The following PMPCA variants were observed in gnomAD, a reference collection of about 807,000 sequenced individuals.
The protein encoded by PMPCA is mitochondrial-processing peptidase subunit alpha.
A neutral mutation model predicts 59.3 loss-of-function variants in PMPCA; 47 were observed. That is an observed-to-expected ratio of 0.79 (90% confidence interval 0.63 to 1.01). PMPCA has a LOEUF of 1.01. Among genes scored for constraint, PMPCA ranks in the 50% least tolerant of loss-of-function variants. The pLI is 0.00. For synonymous variants in PMPCA, 338 were observed against 290.3 expected (o/e 1.16, Z -1.67); for missense variants, 726 against 704.5 (o/e 1.03, Z -0.34).
chr9:136,419,541 C>T (rs991107894), intron 11 of PMPCA: 2 of 255,852 alleles, frequency 7.8e-6, no homozygotes, highest in African/African-American at 4.4e-5. Flanking sequence ...TCGAGCCTTT[C>T]CCTGGCTCCA....
chr9:136,416,977 C>A lies in PMPCA; in HGVS notation c.660C>A (p.Gly220=). The A allele has an allele frequency of 6.2e-7, 1 of 1,611,754 alleles. No individual in the cohort carries two copies. The highest frequency in any genetic ancestry group is 8.5e-7 in the Non-Finnish European group (1 of 1,179,704). ...HEAAYRENTV[G]LHRFCPTENV... ...CGGCTTACAGGGAGAACACAGTTGG[C>A]CTCCACCGTTTCTGCCCCACAGAAA... Residue 220 remains glycine (G), a synonymous_variant, in exon 7 of 13, where the codon GGC becomes GGA. Transcript: ENST00000371717.
Position 136,418,608 on chromosome 9 carries a change from C to T in PMPCA, c.1044C>T (p.Gly348=). 6.2e-7 allele frequency: 1 copy of T among 1,614,038 alleles called. No individual in the cohort carries two copies. Among genetic ancestry groups the T allele is most frequent in the Non-Finnish European group, 8.5e-7 (1 of 1,179,854 alleles). Reference sequence around the variant, plus strand: ...TGAACATGATGATGGGCGGAGGTGGCTCCTTCTCGGCTGGTGGGCCCGGCA... The same window carrying T: ...TGAACATGATGATGGGCGGAGGTGGTTCCTTCTCGGCTGGTGGGCCCGGCA... ...AVLNMMMGGG[G]SFSAGGPGKG... is the part of the protein sequence containing the mutation. The change falls in exon 9 of 13, where the codon GGC becomes GGT. Residue 348 remains glycine (G), a synonymous_variant. Coordinates refer to ENST00000371717, the MANE Select transcript of PMPCA (RefSeq NM_015160.3).
Position 136,423,433 on chromosome 9 carries a change from G to T in PMPCA, c.*169G>T. 7.5e-6 allele frequency: 5 copies of T among 668,230 alleles called. No individual in the cohort carries two copies. In the East Asian group the frequency reaches 8.3e-5, roughly 11 times the overall value. 41.4% of individuals were successfully genotyped at this position (668,230 alleles called of 1,614,324 possible). A position where few individuals can be genotyped will look rare whatever the true frequency, so the allele number is the denominator to read the frequency against. Reference sequence around the variant, plus strand: ...GCATTCTTTTGGAACTCAATGTGCCGATCAGTGGAGTCAGTATCGAGCCTG... The same window carrying T: ...GCATTCTTTTGGAACTCAATGTGCCTATCAGTGGAGTCAGTATCGAGCCTG... On this transcript the variant is annotated 3_prime_UTR_variant, in exon 13 of 13. Coordinates refer to ENST00000371717, the MANE Select transcript of PMPCA (RefSeq NM_015160.3).
At chr9:136,417,334 C>T (rs926384222) in intron 7 of PMPCA, 120 bp downstream of exon 7, 43 of 770,966 alleles carry the variant, frequency 5.6e-5, no homozygotes, top group African/African-American at 8.7e-5. Flanking sequence ...GTAGCTTTGC[C>T]TTAACACATG....
intron 1 of PMPCA, among the ~76,000 whole-genome samples, 175 bp from the exon 2 acceptor site, chr9:136,411,822 G>A (rs551851628): frequency 6.6e-6 from 1 of 152,356 alleles, no homozygotes; most frequent in South Asian, 2.1e-4. Context: ...AGGTCCCGTG[G>A]CTGAGCCTTT....
chr9:136,418,464 C>A, intron 8 of PMPCA, 91 bp from the exon 9 acceptor site: 1 of 853,630 alleles, frequency 1.2e-6, no homozygotes. Context: ...GCTTGGGCGA[C>A]TCAGCCAGCT....
At chr9:136,422,184 AC>A in intron 12 of PMPCA, 1 of 1,514,952 alleles carries the variant, frequency 6.6e-7, no homozygotes, top group East Asian at 2.6e-5. Context: ...CCCACCATGC[AC>A]CTGCTGCCTC....
At chr9:136,421,416 T>TTTTTTTTG (rs1835446767) in intron 11 of PMPCA, among the ~76,000 whole-genome samples, 4 of 148,142 alleles carry the variant, frequency 2.7e-5, no homozygotes, top group Admixed American at 1.3e-4. Context: ...TTTTTTTTTT[T>TTTTTTTTG]TTTTTTTTTT....
intron 2 of PMPCA, 75 bp downstream of exon 2, chr9:136,412,274 A>G (rs1374685448): frequency 9.2e-7 from 1 of 1,085,576 alleles, no homozygotes; most frequent in East Asian, 2.4e-5. Flanking sequence ...GTTAGTTGTA[A>G]TTAGCATGCC....
chr9:136,422,584 G>A (rs944842007), intron 12 of PMPCA: 62 of 1,013,302 alleles, frequency 6.1e-5, no homozygotes, highest in Middle Eastern at 5.0e-4. Flanking sequence ...CCTGTCCCGT[G>A]TGGGCCCTCG....
At position 136,423,124 on chromosome 9, in the gene PMPCA, G is replaced by A. The variant is rs770809394; in HGVS notation, c.1438G>A (p.Val480Ile). 2.5e-6 allele frequency: 4 copies of A among 1,613,328 alleles called. No homozygotes were observed. The East Asian group carries it at 8.9e-5, about 36-fold the overall frequency. Residue 480 changes from valine (V) to isoleucine (I), a missense_variant, in exon 13 of 13, where the codon GTC (valine) becomes ATC (isoleucine). Coordinates refer to ENST00000371717, the MANE Select transcript of PMPCA (RefSeq NM_015160.3). Reference protein sequence around the residue: ...RNVKPEDVKRVASKMLRGKPA... With the variant: ...RNVKPEDVKRIASKMLRGKPA... Reference sequence around the variant, plus strand: ...CGTGAAGCCGGAAGATGTGAAGAGAGTCGCTTCTAAGATGCTCCGAGGGAA... The same window carrying A: ...CGTGAAGCCGGAAGATGTGAAGAGAATCGCTTCTAAGATGCTCCGAGGGAA...
At chr9:136,412,240 A>G in intron 2 of PMPCA, 41 bp downstream of exon 2, 1 of 1,365,048 alleles carries the variant, frequency 7.3e-7, no homozygotes, top group Non-Finnish European at 1.0e-6. Context: ...CCGCAGTTTT[A>G]ACATGCACAT....
At position 136,412,901 on chromosome 9, in the gene PMPCA, G is replaced by C. The variant is rs750536367; in HGVS notation, c.437+9G>C. The C allele has an allele frequency of 3.3e-6, 5 of 1,531,180 alleles. No individual in the cohort carries two copies. The African/African-American group carries it at 6.8e-5, about 21-fold the overall frequency. 94.8% of individuals were successfully genotyped at this position (1,531,180 alleles called of 1,614,324 possible). On this transcript the variant is annotated intron_variant, in intron 4 of 12. Transcript: ENST00000371717. ...GACTGCCAGACATCAAGGTACACCAGCTTTTGTGTACAAACTGACTTTGGG... is the reference window on the plus strand; with the variant it reads ...GACTGCCAGACATCAAGGTACACCACCTTTTGTGTACAAACTGACTTTGGG...
chr9:136,411,635 T>C (rs1835120248), intron 1 of PMPCA, among the ~76,000 whole-genome samples: 5 of 152,224 alleles, frequency 3.3e-5, no homozygotes, highest in Non-Finnish European at 7.3e-5. Flanking sequence ...ACACCCCGCC[T>C]TCGGACCAGG....
intron 12 of PMPCA, 39 bp downstream of exon 12, chr9:136,422,015 T>C (rs1835467930): frequency 1.3e-6 from 2 of 1,575,312 alleles, no homozygotes; most frequent in African/African-American, 2.7e-5. Context: ...GCCGCAGGCC[T>C]CGGCCAGGCT....
intron 4 of PMPCA, 32 bp from the exon 5 acceptor site, chr9:136,414,521 G>A: frequency 7.0e-7 from 1 of 1,425,996 alleles, no homozygotes; most frequent in South Asian, 1.1e-5. Context: ...TGAGTTCAGG[G>A]CCTGGCATTA....
In PMPCA at chr9:136,414,428, G is replaced by A. The variant is rs555548232; in HGVS notation, c.438-125G>A. ...TGCAAAGCCCAAGTGTCCCCTGGCT[G>A]TTGAGCAGAGTGTGAGCTCAGGGCC... is the stretch of plus-strand genomic sequence containing the variant. On this transcript the variant is annotated intron_variant, in intron 4 of 12. Coordinates refer to ENST00000371717, the MANE Select transcript of PMPCA (RefSeq NM_015160.3). The A allele has an allele frequency of 2.6e-5, 18 of 694,630 alleles. No individual in the cohort carries two copies. The African/African-American group carries it at 2.8e-4, about 11-fold the overall frequency. 43.0% of individuals were successfully genotyped at this position (694,630 alleles called of 1,614,324 possible).
chr9:136,411,993 T>G lies in PMPCA; in HGVS notation c.72-4T>G. The G allele has an allele frequency of 6.3e-7, 1 of 1,597,498 alleles. No homozygotes were observed. The highest frequency in any genetic ancestry group is 8.6e-7 in the Non-Finnish European group (1 of 1,165,824). On this transcript the variant is annotated splice_polypyrimidine_tract_variant and splice_region_variant and intron_variant, in intron 1 of 12. Transcript: ENST00000371717. ...TTGTAACTGGGCCGCTTTCTCTGTT[T>G]TAGGTTTGGACCTCCTGCGTACAGA...
chr9:136,422,799 AG>A, intron 12 of PMPCA: 2 of 1,196,118 alleles, frequency 1.7e-6, no homozygotes, highest in South Asian at 4.6e-5. Flanking sequence ...GCCGTCCTAA[AG>A]TGAGTTCATC....
Sources: gnomAD v4.1 joint callset for allele counts (sites outside exome capture counted in the v4.1 genomes callset) on GRCh38, gnomAD v4.1.1 for gene constraint, MANE v1.5 for transcripts, NCBI Gene and HGNC (gene_info 2026-07-23, HGNC 2026-07-21) for gene names.